SH2D4A: variants seen among roughly 807,000 people sequenced by gnomAD.
The protein encoded by SH2D4A is SH2 domain containing 4A.
A neutral mutation model predicts 64.7 loss-of-function variants in SH2D4A; 70 were observed. The ratio of observed to expected loss-of-function variants is 1.08; its 90% CI spans 0.89 to 1.32. The LOEUF is 1.32. Ranked by LOEUF, SH2D4A falls within the 40% of genes most tolerant of loss-of-function variation. The probability of loss-of-function intolerance (pLI) is 0.00; values close to 1 mark genes in which losing one functional copy is unlikely to be tolerated. For missense variants in SH2D4A, 706 were observed against 540.1 expected (o/e 1.31, Z -3.04); for synonymous variants, 268 against 200.7 (o/e 1.34, Z -2.83).
intron 4 of SH2D4A, among the ~76,000 whole-genome samples, chr8:19,345,163 G>T (rs1244729964): frequency 1.3e-5 from 2 of 152,144 alleles, no homozygotes; most frequent in African/African-American, 4.8e-5. Flanking sequence ...GCTGCCCCTG[G>T]GACAGACATG....
intron 2 of SH2D4A, among the ~76,000 whole-genome samples, chr8:19,332,611 G>A (rs57876272): frequency 0.18 from 4,202 of 23,796 alleles, 203 homozygotes; most frequent in African/African-American, 0.37. Context: ...GGTGGGGAAC[G>A]GCTTGAACCC....
chr8:19,340,601 CTTTTTTT>C lies in SH2D4A; in HGVS notation c.513+5760_513+5766del, dbSNP rs535915285. On this transcript the variant is annotated intron_variant, in intron 4 of 9. Coordinates refer to ENST00000265807, the MANE Select transcript of SH2D4A (RefSeq NM_022071.4). Reference sequence around the variant, plus strand: ...ATTTTGTTCTTTTCTTTCTTTCTTTCTTTTTTTTTTTTTTTTTTTTTTGAGACAGGGT... The same window carrying C: ...ATTTTGTTCTTTTCTTTCTTTCTTTCTTTTTTTTTTTTTTTGAGACAGGGT... Among the ~76,000 whole-genome samples the C allele has an allele frequency of 3.0e-5, 3 of 100,518 alleles. No individual in the cohort carries two copies. The Admixed American group carries it at 3.1e-4, about 10-fold the overall frequency. The allele number at this position is 100,518 out of a possible 152,430, so 65.9% of individuals were successfully genotyped here.
chr8:19,321,819 G>A (rs147852976), intron 2 of SH2D4A, among the ~76,000 whole-genome samples: 1 of 152,254 alleles, frequency 6.6e-6, no homozygotes, highest in East Asian at 1.9e-4. Flanking sequence ...CTTGCCACTA[G>A]AGTCAATGGC....
intron 1 of SH2D4A, 25 bp downstream of exon 1, chr8:19,313,848 C>A: frequency 6.8e-7 from 1 of 1,460,444 alleles, no homozygotes; most frequent in Non-Finnish European, 9.0e-7. Context: ...TGGGGCGAGG[C>A]TTTGGGGAGA....
chr8:19,377,836 A>C (rs1342588544), intron 8 of SH2D4A, among the ~76,000 whole-genome samples: 3 of 152,098 alleles, frequency 2.0e-5, no homozygotes, highest in East Asian at 3.8e-4. Context: ...ATCTAGAATC[A>C]GAACTCCTAG....
chr8:19,362,571 C>T (rs979131723), intron 6 of SH2D4A, among the ~76,000 whole-genome samples: 11 of 152,062 alleles, frequency 7.2e-5, no homozygotes, highest in Admixed American at 2.6e-4. Flanking sequence ...GAAACTCCAT[C>T]TCTACTAAAA....
intron 1 of SH2D4A, among the ~76,000 whole-genome samples, chr8:19,318,511 C>G (rs1349834912): frequency 6.6e-6 from 1 of 152,202 alleles, no homozygotes; most frequent in Non-Finnish European, 1.5e-5. Flanking sequence ...TGTGCACTCT[C>G]GCTTTATGGT....
rs890680082 is a variant in SH2D4A at position 19,320,750 on chromosome 8, G to A, written c.181+1022G>A. On this transcript the variant is annotated intron_variant, in intron 2 of 9. Coordinates refer to ENST00000265807, the MANE Select transcript of SH2D4A (RefSeq NM_022071.4). ...CACCCCCGCCTTGCTGTTTACATGC[G>A]AAGTCTGTCATGGGTGAATACCAAA... 6.3e-4 allele frequency among the ~76,000 whole-genome samples: 96 copies of A among 151,706 alleles called. 2 individuals are homozygous for A. Among genetic ancestry groups the A allele is most frequent in the African/African-American group, 2.3e-3 (93 of 41,278 alleles).
At chr8:19,339,077 C>A (rs1282482418) in intron 4 of SH2D4A, among the ~76,000 whole-genome samples, 1 of 152,236 alleles carries the variant, frequency 6.6e-6, no homozygotes, top group East Asian at 1.9e-4. Context: ...GGCCTTAGAG[C>A]CCCTGGCAAA....
At chr8:19,380,550 T>C (rs536631122) in intron 8 of SH2D4A, among the ~76,000 whole-genome samples, 13 of 152,190 alleles carry the variant, frequency 8.5e-5, no homozygotes, top group Non-Finnish European at 1.6e-4. Flanking sequence ...AATTTTTATA[T>C]ATGATGTTAG....
intron 8 of SH2D4A, among the ~76,000 whole-genome samples, chr8:19,384,746 G>A (rs1030718990): frequency 6.6e-6 from 1 of 152,102 alleles, no homozygotes; most frequent in African/African-American, 2.4e-5. Flanking sequence ...CCAAGACAGG[G>A]CCAAAGAATA....
At chr8:19,350,826 T>A (rs2052691904) in intron 4 of SH2D4A, among the ~76,000 whole-genome samples, 1 of 152,148 alleles carries the variant, frequency 6.6e-6, no homozygotes, top group Non-Finnish European at 1.5e-5. Context: ...CACATCATAT[T>A]GGAGTCTGCT....
At chr8:19,383,183 T>G (rs1420949872) in intron 8 of SH2D4A, among the ~76,000 whole-genome samples, 1 of 152,110 alleles carries the variant, frequency 6.6e-6, no homozygotes, top group Non-Finnish European at 1.5e-5. Context: ...CCACAAAATG[T>G]ATATTGGGTC....
rs536871669 is a variant in SH2D4A at position 19,341,621 on chromosome 8, T to A, written c.513+6764T>A. On this transcript the variant is annotated intron_variant, in intron 4 of 9. Transcript: ENST00000265807. The stretch of plus-strand genomic sequence containing the variant: ...ACTTTGGGAGGCCGAGGCAGATGGA[T>A]CACTTGAAGCCAGGAGTTCAACACC... 2.6e-5 allele frequency among the ~76,000 whole-genome samples: 4 copies of A among 152,120 alleles called. No individual in the cohort carries two copies. The South Asian group carries it at 8.3e-4, about 32-fold the overall frequency.
rs550859639 is a variant in SH2D4A, at chr8:19,381,823, C to T, written c.1048+8163C>T. On this transcript the variant is annotated intron_variant, in intron 8 of 9. Transcript: ENST00000265807. ...TATGTTGAGGGACTTTCCTTCTCTT[C>T]CTAGTTTGCTGAGTTTTTATCATGA... Among the ~76,000 whole-genome samples, 17 of 152,158 alleles carry T rather than the reference C, an allele frequency of 1.1e-4. No individual in the cohort carries two copies. In the South Asian group the frequency reaches 3.5e-3, roughly 32 times the overall value.
Position 19,334,875 on chromosome 8 carries a change from G to A in SH2D4A, c.513+18G>A, listed in dbSNP as rs1585154557. Reference sequence around the variant, plus strand: ...AAATCCGAGTGAGTCCTTACTGTCTGTAGACGTGCGGAATTTCATCATGGG... The same window carrying A: ...AAATCCGAGTGAGTCCTTACTGTCTATAGACGTGCGGAATTTCATCATGGG... On this transcript the variant is annotated intron_variant, in intron 4 of 9. Coordinates refer to ENST00000265807, the MANE Select transcript of SH2D4A (RefSeq NM_022071.4). 6.3e-7 allele frequency: 1 copy of A among 1,579,658 alleles called. No homozygotes were observed. Among genetic ancestry groups the A allele is most frequent in the Non-Finnish European group, 8.6e-7 (1 of 1,166,816 alleles).
chr8:19,387,411 G>C (rs1005780523), intron 8 of SH2D4A, among the ~76,000 whole-genome samples: 4 of 151,722 alleles, frequency 2.6e-5, no homozygotes, highest in African/African-American at 4.8e-5. Flanking sequence ...AATAGTTTTT[G>C]TTGTTCTTTG....
intron 8 of SH2D4A, among the ~76,000 whole-genome samples, chr8:19,392,859 A>G (rs745954517): frequency 2.0e-5 from 3 of 151,916 alleles, no homozygotes; most frequent in Non-Finnish European, 4.4e-5. Context: ...CTCCTGCCTC[A>G]GCCTCCTGAG....
At chr8:19,357,338 A>C (rs1458322319) in intron 5 of SH2D4A, 55 bp downstream of exon 5, 1 of 1,210,420 alleles carries the variant, frequency 8.3e-7, no homozygotes, top group Non-Finnish European at 1.2e-6. Context: ...ATTTCCACTA[A>C]TGTTTCACAG....
Sources: gnomAD v4.1 joint callset for allele counts (sites outside exome capture counted in the v4.1 genomes callset) on GRCh38, gnomAD v4.1.1 for gene constraint, MANE v1.5 for transcripts, NCBI Gene and HGNC (gene_info 2026-07-23, HGNC 2026-07-21) for gene names.